The following FNIP2 variants were observed in gnomAD, a reference collection of about 807,000 sequenced individuals.
The protein encoded by FNIP2 is folliculin interacting protein 2.
FNIP2 carries 32 observed loss-of-function variants against 108.7 expected under a neutral mutation model. That is an observed-to-expected ratio of 0.29 (90% CI 0.22 to 0.40). FNIP2 has a LOEUF of 0.40. Among genes scored for constraint, FNIP2 ranks in the 10% least tolerant of loss-of-function variants. The pLI is 1.00. For missense variants in FNIP2, 1,202 were observed against 1,381.6 expected (o/e 0.87, Z 2.06); for synonymous variants, 480 against 496.7 (o/e 0.97, Z 0.45).
At chr4:158,893,767 T>G in intron 15 of FNIP2, 1 of 1,306,990 alleles carries the variant, frequency 7.7e-7, no homozygotes, top group Non-Finnish European at 1.1e-6. Flanking sequence ...TTCATAAGTA[T>G]TTGCCAAACT....
intron 15 of FNIP2, chr4:158,893,784 T>A: frequency 9.1e-7 from 1 of 1,093,934 alleles, no homozygotes. Context: ...AACTTTTATA[T>A]TTCATTCTAT....
chr4:158,904,837 C>A lies in FNIP2; in HGVS notation c.*293C>A. ...GGAAACATAAGCACTAAACACTAAG[C>A]TGTTGCAACAGATTGCCTTGTGCTG... On this transcript the variant is annotated 3_prime_UTR_variant, in exon 17 of 17. Coordinates refer to ENST00000264433, the MANE Select transcript of FNIP2 (RefSeq NM_020840.3). The A allele has an allele frequency of 2.9e-6, 1 of 341,416 alleles. No homozygotes were observed. The allele number at this position is 341,416 out of a possible 1,614,324, so 21.1% of individuals were successfully genotyped here. A position where few individuals can be genotyped will look rare whatever the true frequency, so the allele number is the denominator to read the frequency against.
In FNIP2 at chr4:158,825,937, C is replaced by T. The variant is rs770368006; in HGVS notation, c.129C>T (p.Asp43=). The change falls in exon 2 of 17, where the codon GAC becomes GAT. Residue 43 remains aspartate (D), a synonymous_variant. Transcript: ENST00000264433. ...PAFSWSCSEF[D]LNEIRLIVYQ... ...ACAGTTGGTCATGTTCGGAGTTTGA[C>T]CTGAATGAGATTCGCCTGATAGTTT... is the stretch of plus-strand genomic sequence containing the variant. 1.2e-6 allele frequency: 2 copies of T among 1,607,738 alleles called. No homozygotes were observed. Among genetic ancestry groups the T allele is most frequent in the African/African-American group, 1.3e-5 (1 of 74,812 alleles).
At chr4:158,829,369 A>C in intron 3 of FNIP2, 144 bp downstream of exon 3, 1 of 679,172 alleles carries the variant, frequency 1.5e-6, no homozygotes, top group Non-Finnish European at 2.2e-6. Flanking sequence ...AATGTTTCAC[A>C]TCGATGTTGT....
intron 14 of FNIP2, chr4:158,871,911 G>T (rs1381072107): frequency 1.0e-6 from 1 of 985,178 alleles, no homozygotes; most frequent in Admixed American, 6.2e-5. Context: ...TTCACAGGCT[G>T]TATTTATGTG....
At chr4:158,829,054 A>T in intron 2 of FNIP2, 25 bp from the exon 3 acceptor site, 1 of 1,561,278 alleles carries the variant, frequency 6.4e-7, no homozygotes, top group African/African-American at 1.4e-5. Context: ...GTAATCTTTT[A>T]CCTTGCCTGT....
At chr4:158,881,196 G>A (rs994982441) in intron 14 of FNIP2, among the ~76,000 whole-genome samples, 6 of 148,070 alleles carry the variant, frequency 4.1e-5, no homozygotes, top group South Asian at 2.1e-4. Flanking sequence ...CTCCCTCCAC[G>A]GTCTCCCTCT....
At chr4:158,806,941 A>G (rs1489203387) in intron 1 of FNIP2, among the ~76,000 whole-genome samples, 1 of 152,158 alleles carries the variant, frequency 6.6e-6, no homozygotes, top group Non-Finnish European at 1.5e-5. Flanking sequence ...GCAAATTTTA[A>G]TAATGGAGCT....
chr4:158,801,388 A>G (rs1288595775), intron 1 of FNIP2, among the ~76,000 whole-genome samples: 7 of 152,214 alleles, frequency 4.6e-5, no homozygotes, highest in Admixed American at 2.6e-4. Context: ...TTTGAGATGT[A>G]GAAGAAAGAA....
At chr4:158,833,089 T>TA (rs1778572197) in intron 5 of FNIP2, among the ~76,000 whole-genome samples, 2 of 152,256 alleles carry the variant, frequency 1.3e-5, no homozygotes, top group Admixed American at 6.5e-5. Context: ...AGTTGCTGAA[T>TA]TGCTCATTGA....
Position 158,840,885 on chromosome 4 carries a change from C to G in FNIP2, c.727+5409C>G, listed in dbSNP as rs572925223. On this transcript the variant is annotated intron_variant, in intron 7 of 16. Coordinates refer to ENST00000264433, the MANE Select transcript of FNIP2 (RefSeq NM_020840.3). ...TGTCTGCAACTGCATTTCCTCTGTT[C>G]TTAAAAGTGGTAAAATAAAGAAAGT... Among the ~76,000 whole-genome samples, 119 of 152,300 alleles carry G rather than the reference C, an allele frequency of 7.8e-4. 1 individual carries two copies. The highest frequency in any genetic ancestry group is 2.6e-3 in the African/African-American group (106 of 41,550).
At position 158,893,481 on chromosome 4, in the gene FNIP2, A is replaced by G. The variant is rs77228157; in HGVS notation, c.3150+1835A>G. The G allele has an allele frequency of 8.2e-4, 416 of 509,890 alleles. 9 individuals carry two copies. In the East Asian group the frequency reaches 0.012, roughly 15 times the overall value. 31.6% of individuals were successfully genotyped at this position (509,890 alleles called of 1,614,324 possible). On this transcript the variant is annotated intron_variant, in intron 15 of 16. Coordinates refer to ENST00000264433, the MANE Select transcript of FNIP2 (RefSeq NM_020840.3). ...ACAGCTACTATTAGTATGATAGTCA[A>G]TAACAATTAGTTTCATGAAACAATA...
intron 1 of FNIP2, among the ~76,000 whole-genome samples, chr4:158,806,910 A>G (rs1228600809): frequency 2.0e-5 from 3 of 152,162 alleles, no homozygotes; most frequent in Non-Finnish European, 2.9e-5. Flanking sequence ...GACCCTTTCC[A>G]TGAGAAGGAT....
At chr4:158,847,844 A>G (rs981851922) in intron 7 of FNIP2, among the ~76,000 whole-genome samples, 2 of 152,200 alleles carry the variant, frequency 1.3e-5, no homozygotes, top group African/African-American at 4.8e-5. Flanking sequence ...TTAAGTGAAC[A>G]TCACTATAGG....
chr4:158,826,878 C>G (rs1242209790), intron 2 of FNIP2, among the ~76,000 whole-genome samples: 1 of 152,122 alleles, frequency 6.6e-6, no homozygotes, highest in East Asian at 1.9e-4. Flanking sequence ...TTTTTATGTT[C>G]AATAAGTTGC....
At chr4:158,772,069 A>G (rs1237411054) in intron 1 of FNIP2, among the ~76,000 whole-genome samples, 1 of 152,334 alleles carries the variant, frequency 6.6e-6, no homozygotes, top group African/African-American at 2.4e-5. Flanking sequence ...TATTTCCTTT[A>G]GGATCTTGAC....
At chr4:158,893,629 G>C in intron 15 of FNIP2, 1 of 1,320,112 alleles carries the variant, frequency 7.6e-7, no homozygotes, top group East Asian at 2.4e-5. Flanking sequence ...GGATTATTAT[G>C]ATCTTATTTT....
Position 158,868,196 on chromosome 4 carries a change from C to A in FNIP2, c.1560C>A (p.Val520=), listed in dbSNP as rs753371097. 6.2e-6 allele frequency: 10 copies of A among 1,614,028 alleles called. No homozygotes were observed. In the South Asian group the frequency reaches 1.1e-4, roughly 18 times the overall value. ...QKDLVQRILY[V]LTYFLRCSEL... Reference sequence around the variant, plus strand: ...ACTTAGTCCAGCGAATACTTTATGTCCTGACCTACTTTCTCCGTTGCTCTG... The same window carrying A: ...ACTTAGTCCAGCGAATACTTTATGTACTGACCTACTTTCTCCGTTGCTCTG... The change falls in exon 13 of 17, where the codon GTC becomes GTA. Residue 520 remains valine, a synonymous_variant. Transcript: ENST00000264433. This position sits in a 1 kb window ranked among gnomAD's most constrained non-coding sequence, Gnocchi z 4.6.
intron 1 of FNIP2, among the ~76,000 whole-genome samples, chr4:158,789,641 A>C (rs1776338296): frequency 6.6e-6 from 1 of 152,200 alleles, no homozygotes. Flanking sequence ...ATAAGATAAC[A>C]CCCTGCCCTT....
Sources: allele counts gnomAD v4.1 joint callset (sites outside exome capture counted in the v4.1 genomes callset), GRCh38; gene constraint gnomAD v4.1.1; non-coding constraint Gnocchi (gnomAD v3.1); transcripts MANE v1.5; gene names NCBI Gene and HGNC (gene_info 2026-07-23, HGNC 2026-07-21).